Variants in EPB41L2 observed in about 807,000 individuals in gnomAD.
The protein encoded by EPB41L2 is erythrocyte membrane protein band 4.1 like 2, also known as band 4.1-like protein 2.
EPB41L2 carries 43 observed loss-of-function variants against 113.0 expected under a neutral mutation model. The ratio of observed to expected loss-of-function variants is 0.38; its 90% CI spans 0.30 to 0.49. The LOEUF is 0.49. Ranked by LOEUF, EPB41L2 falls within the 20% of genes least tolerant of loss-of-function variation. EPB41L2 has a pLI of 0.95. For missense variants in EPB41L2, 1,147 were observed against 1,223.4 expected (o/e 0.94, Z 0.93); for synonymous variants, 442 against 436.7 (o/e 1.01, Z -0.15).
intron 1 of EPB41L2, among the ~76,000 whole-genome samples, chr6:131,038,093 T>G (rs1220869599): frequency 6.6e-6 from 1 of 152,206 alleles, no homozygotes; most frequent in African/African-American, 2.4e-5. Context: ...TTATTTTTAA[T>G]GTATTTCAGC....
chr6:130,929,857 TCACA>T (rs140350248), intron 3 of EPB41L2, among the ~76,000 whole-genome samples: 3,935 of 123,380 alleles, frequency 0.032, 80 homozygotes, highest in African/African-American at 0.057. Context: ...AGACAGACAG[TCACA>T]CACACACACA....
At chr6:130,977,612 G>A (rs1379275138) in intron 1 of EPB41L2, among the ~76,000 whole-genome samples, 1 of 152,102 alleles carries the variant, frequency 6.6e-6, no homozygotes, top group African/African-American at 2.4e-5. Flanking sequence ...CTGTACTCAT[G>A]AAAAATGCCA....
intron 1 of EPB41L2, among the ~76,000 whole-genome samples, chr6:131,048,057 G>C (rs1207392624): frequency 7.0e-6 from 1 of 143,280 alleles, no homozygotes; most frequent in Non-Finnish European, 1.5e-5. Context: ...AGAACTGCTT[G>C]AATCTGTGGG....
At chr6:130,912,027 G>A (rs1025607889) in intron 4 of EPB41L2, among the ~76,000 whole-genome samples, 3 of 152,132 alleles carry the variant, frequency 2.0e-5, no homozygotes, top group African/African-American at 4.8e-5. Context: ...ATCACCACCC[G>A]CGTTAGATTC....
intron 1 of EPB41L2, among the ~76,000 whole-genome samples, chr6:130,972,448 T>C (rs1562632859): frequency 6.6e-6 from 1 of 151,742 alleles, no homozygotes; most frequent in Non-Finnish European, 1.5e-5. Context: ...AGAAAATGTG[T>C]CAATTCTAAG....
chr6:130,880,309 A>C lies in EPB41L2; in HGVS notation c.1834-103T>G, dbSNP rs1165183293. ...CAGAGTTCGACAGTCTAAGACATTA[A>C]AATAAAAGAGGAATACAAATCTTAT... On this transcript the variant is annotated intron_variant, in intron 12 of 19. Coordinates refer to ENST00000337057, the MANE Select transcript of EPB41L2 (RefSeq NM_001431.4). The C allele has an allele frequency of 1.4e-5, 10 of 738,118 alleles. 1 individual carries two copies. The South Asian group carries it at 1.7e-4, about 13-fold the overall frequency. 45.7% of individuals were successfully genotyped at this position (738,118 alleles called of 1,614,324 possible).
chr6:130,939,743 C>T (rs911771733), intron 3 of EPB41L2, among the ~76,000 whole-genome samples: 6 of 152,192 alleles, frequency 3.9e-5, no homozygotes, highest in Non-Finnish European at 8.8e-5. Context: ...ACAGATGCTA[C>T]TAAAGCTACC....
intron 4 of EPB41L2, among the ~76,000 whole-genome samples, chr6:130,912,161 C>T (rs1470207506): frequency 6.6e-6 from 1 of 152,184 alleles, no homozygotes; most frequent in Non-Finnish European, 1.5e-5. Flanking sequence ...AAACCATTCC[C>T]TCACCCCCAC....
intron 1 of EPB41L2, among the ~76,000 whole-genome samples, chr6:131,030,141 G>A (rs1024522974): frequency 5.3e-5 from 8 of 152,146 alleles, no homozygotes; most frequent in African/African-American, 9.7e-5. Context: ...CAAGTGACTC[G>A]CTCAAGAATA....
intron 3 of EPB41L2, among the ~76,000 whole-genome samples, chr6:130,941,737 G>A (rs1490516088): frequency 6.6e-6 from 1 of 152,122 alleles, no homozygotes; most frequent in Non-Finnish European, 1.5e-5. Context: ...ACAAAATCAG[G>A]CTTAATCTCA....
intron 19 of EPB41L2, among the ~76,000 whole-genome samples, chr6:130,848,043 G>A (rs1481386827): frequency 1.3e-5 from 2 of 152,074 alleles, no homozygotes; most frequent in African/African-American, 4.8e-5. Flanking sequence ...AGGTTAGTGG[G>A]AATCAAAAGA....
intron 6 of EPB41L2, among the ~76,000 whole-genome samples, chr6:130,902,708 G>T (rs1301241976): frequency 6.6e-6 from 1 of 152,110 alleles, no homozygotes; most frequent in Non-Finnish European, 1.5e-5. Flanking sequence ...TAAACACAAA[G>T]ATTTCATCTT....
chr6:130,963,428 A>C (rs1774134778), intron 1 of EPB41L2, among the ~76,000 whole-genome samples: 1 of 152,208 alleles, frequency 6.6e-6, no homozygotes, highest in African/African-American at 2.4e-5. Context: ...AATATTAGTG[A>C]GATAAATCAC....
chr6:130,967,454 C>T (rs554349495), intron 1 of EPB41L2, among the ~76,000 whole-genome samples: 17 of 152,214 alleles, frequency 1.1e-4, no homozygotes, highest in African/African-American at 3.6e-4. Flanking sequence ...ACAATAATAC[C>T]GGTGCATATG....
At chr6:130,921,228 C>A (rs1802764805) in intron 4 of EPB41L2, among the ~76,000 whole-genome samples, 1 of 152,160 alleles carries the variant, frequency 6.6e-6, no homozygotes, top group African/African-American at 2.4e-5. Context: ...CGCTCCACAC[C>A]ATCAACAGGT....
intron 1 of EPB41L2, among the ~76,000 whole-genome samples, chr6:131,049,268 G>A (rs1796087589): frequency 1.3e-5 from 2 of 152,200 alleles, no homozygotes; most frequent in Non-Finnish European, 2.9e-5. Flanking sequence ...AAATTAAGAT[G>A]TAGGCTTTAC....
Position 130,898,918 on chromosome 6 carries a change from T to C in EPB41L2, c.1236+573A>G, listed in dbSNP as rs77005505. Among the ~76,000 whole-genome samples the C allele has an allele frequency of 1.4e-4, 21 of 152,268 alleles. No individual in the cohort carries two copies. The East Asian group carries it at 2.9e-3, about 21-fold the overall frequency. On this transcript the variant is annotated intron_variant, in intron 8 of 19. Transcript: ENST00000337057. ...TTATGACTGGCTTCCCATGTCCCCA[T>C]TGTCCCACTCTTTTACCATCTTTCA...
At chr6:130,867,345 T>C (rs768443913) in intron 16 of EPB41L2, 114 bp downstream of exon 16, 177 of 1,353,950 alleles carry the variant, frequency 1.3e-4, no homozygotes, top group African/African-American at 3.4e-4. Flanking sequence ...AAAGTGCAGA[T>C]ACAAAAAGCT....
At chr6:131,027,241 G>T (rs1434813361) in intron 1 of EPB41L2, among the ~76,000 whole-genome samples, 4 of 151,874 alleles carry the variant, frequency 2.6e-5, no homozygotes, top group South Asian at 2.1e-4. Flanking sequence ...TTGTTTTTTT[G>T]TCTTTTCTTT....
Sources: allele counts gnomAD v4.1 joint callset (sites outside exome capture counted in the v4.1 genomes callset), GRCh38; gene constraint gnomAD v4.1.1; transcripts MANE v1.5; gene names NCBI Gene and HGNC (gene_info 2026-07-23, HGNC 2026-07-21).